GAS7: variants seen among roughly 807,000 people sequenced by gnomAD.
The protein encoded by GAS7 is growth arrest specific 7.
In GAS7, 28 loss-of-function variants were observed where a neutral mutation model predicts 71.1. The observed-to-expected ratio is 0.39, with a 90% confidence interval of 0.29 to 0.54. GAS7 has a LOEUF of 0.54. Among genes scored for constraint, GAS7 ranks in the 20% least tolerant of loss-of-function variants. The pLI is 0.62. For synonymous variants in GAS7, 258 were observed against 245.8 expected (o/e 1.05, Z -0.46); for missense variants, 436 against 627.8 (o/e 0.69, Z 3.27).
intron 1 of GAS7, among the ~76,000 whole-genome samples, chr17:10,050,798 T>C (rs2073052315): frequency 6.6e-6 from 1 of 152,100 alleles, no homozygotes; most frequent in Non-Finnish European, 1.5e-5. Flanking sequence ...TCTGCCTAAT[T>C]TTTTTTCCCC....
chr17:10,000,795 G>C (rs2071240221), intron 2 of GAS7, among the ~76,000 whole-genome samples: 1 of 152,178 alleles, frequency 6.6e-6, no homozygotes, highest in African/African-American at 2.4e-5. Flanking sequence ...GCTTCCCAAG[G>C]CTTTGCGTCT....
intron 7 of GAS7, among the ~76,000 whole-genome samples, chr17:9,942,549 T>C (rs1256140953): frequency 6.6e-6 from 1 of 152,210 alleles, no homozygotes; most frequent in African/African-American, 2.4e-5. Flanking sequence ...AACACTGTTA[T>C]AATCCTTGAG....
intron 2 of GAS7, among the ~76,000 whole-genome samples, chr17:9,987,730 AAAT>A (rs747125177): frequency 2.3e-4 from 35 of 152,268 alleles, no homozygotes; most frequent in Non-Finnish European, 4.4e-4. Context: ...CCCTTCTTCA[AAAT>A]AATAATAATA....
intron 2 of GAS7, among the ~76,000 whole-genome samples, chr17:10,014,616 C>T (rs1174849226): frequency 1.3e-5 from 2 of 152,170 alleles, no homozygotes; most frequent in Non-Finnish European, 2.9e-5. Flanking sequence ...GTCAAGGCCG[C>T]CCCCTCCCCC....
intron 1 of GAS7, among the ~76,000 whole-genome samples, chr17:10,196,390 G>A (rs941231783): frequency 3.9e-5 from 6 of 152,204 alleles, no homozygotes; most frequent in African/African-American, 1.4e-4. Flanking sequence ...ACTGTGCCAA[G>A]CAGGTGCTCA....
At chr17:10,016,599 T>G (rs1348441523) in intron 2 of GAS7, among the ~76,000 whole-genome samples, 1 of 51,740 alleles carries the variant, frequency 1.9e-5, no homozygotes, top group Non-Finnish European at 3.2e-5. Context: ...ACCCTGTCTC[T>G]ACCAAAAAAA....
chr17:10,040,514 T>C (rs2152227633), intron 1 of GAS7, among the ~76,000 whole-genome samples: 1 of 151,814 alleles, frequency 6.6e-6, no homozygotes, highest in Non-Finnish European at 1.5e-5. Context: ...GATACCAGGG[T>C]ATAAAAAGGT....
intron 1 of GAS7, among the ~76,000 whole-genome samples, chr17:10,046,825 G>GA (rs1251984259): frequency 1.3e-4 from 14 of 109,408 alleles, no homozygotes; most frequent in African/African-American, 6.6e-4. Flanking sequence ...AGGAAGGAAG[G>GA]AAGGAAGGAA....
intron 1 of GAS7, among the ~76,000 whole-genome samples, chr17:10,173,742 T>TG (rs2074352270): frequency 6.6e-6 from 1 of 150,390 alleles, no homozygotes; most frequent in South Asian, 2.1e-4. Flanking sequence ...CACTGCAGCC[T>TG]GGGGGACAGA....
chr17:9,912,840 G>A lies in GAS7; in HGVS notation c.*4388C>T, dbSNP rs1002598378. On this transcript the variant is annotated 3_prime_UTR_variant, in exon 14 of 14. Coordinates refer to ENST00000432992, the MANE Select transcript of GAS7 (RefSeq NM_201433.2). ...AAAGGCTCAGTGTAAAAATAAAGAA[G>A]CAGAGTAGTACGCCCATGCAATGAA... is the stretch of plus-strand genomic sequence containing the variant. 2 of 232,574 alleles carry A rather than the reference G, an allele frequency of 8.6e-6. No homozygotes were observed. Among genetic ancestry groups the A allele is most frequent in the Non-Finnish European group, 1.7e-5 (2 of 117,716 alleles). The allele number at this position is 232,574 out of a possible 1,614,324, so 14.4% of individuals were successfully genotyped here.
chr17:9,999,077 T>C (rs1239999783), intron 2 of GAS7, among the ~76,000 whole-genome samples: 1 of 152,240 alleles, frequency 6.6e-6, no homozygotes, highest in Non-Finnish European at 1.5e-5. Context: ...GCTTCGAAAC[T>C]TCTCCCATAA....
intron 2 of GAS7, among the ~76,000 whole-genome samples, chr17:10,005,435 C>T (rs149764545): frequency 6.6e-5 from 10 of 151,884 alleles, no homozygotes; most frequent in East Asian, 3.9e-4. Flanking sequence ...CTCTTTTCAT[C>T]GGGCCCAAAC....
chr17:9,943,273 G>A (rs747979203), intron 6 of GAS7, 37 bp from the exon 7 acceptor site: 24 of 1,198,114 alleles, frequency 2.0e-5, no homozygotes, highest in Admixed American at 1.5e-4. Flanking sequence ...TTTAGGGCAC[G>A]TCTGAGTCTG....
chr17:10,072,223 A>C (rs1211889871), intron 1 of GAS7, among the ~76,000 whole-genome samples: 2 of 152,138 alleles, frequency 1.3e-5, no homozygotes, highest in African/African-American at 2.4e-5. Context: ...TACCTGCCTC[A>C]CTCAGCGCTA....
At chr17:9,934,591 C>T (rs1244316951) in intron 8 of GAS7, among the ~76,000 whole-genome samples, 1 of 152,186 alleles carries the variant, frequency 6.6e-6, no homozygotes, top group East Asian at 1.9e-4. Context: ...GCCTCAGCTG[C>T]AGTGAGGGCC....
chr17:10,001,399 C>G (rs1157750108), intron 2 of GAS7, among the ~76,000 whole-genome samples: 1 of 152,162 alleles, frequency 6.6e-6, no homozygotes, highest in Admixed American at 6.6e-5. Context: ...CCTCCCTAAT[C>G]CCATGCCTTG....
At chr17:9,970,618 G>A (rs770498338) in intron 3 of GAS7, among the ~76,000 whole-genome samples, 1 of 151,820 alleles carries the variant, frequency 6.6e-6, no homozygotes, top group African/African-American at 2.4e-5. Flanking sequence ...GGCAACAAGA[G>A]CAAAACTCCA....
chr17:10,009,353 C>G (rs2071669546), intron 2 of GAS7, among the ~76,000 whole-genome samples: 1 of 142,728 alleles, frequency 7.0e-6, no homozygotes, highest in African/African-American at 2.6e-5. Flanking sequence ...TACTGGAAAA[C>G]TTATCCAGAA....
At position 9,981,814 on chromosome 17, in the gene GAS7, C is replaced by A; in HGVS notation, c.375G>T (p.Leu125=). 1.3e-6 allele frequency: 2 copies of A among 1,585,448 alleles called. No homozygotes were observed. The highest frequency in any genetic ancestry group is 1.7e-6 in the Non-Finnish European group (2 of 1,153,932). ...GACAGCGGACATTACCTGTTGGAGG[C>A]AGAGAGCTCCTGTGAGAGCCAGGGC... ...PASPGSHRSS[L]PPTVNGYHAS... Residue 125 remains leucine (L), a synonymous_variant, in exon 3 of 14, where the codon CTG becomes CTT. Transcript: ENST00000432992. The surrounding 1 kb of genome is among the most constrained non-coding windows in gnomAD (Gnocchi z 4.4).
Sources: gnomAD v4.1 joint callset for allele counts (sites outside exome capture counted in the v4.1 genomes callset) on GRCh38, gnomAD v4.1.1 for gene constraint, Gnocchi (gnomAD v3.1) non-coding constraint, MANE v1.5 for transcripts, NCBI Gene and HGNC (gene_info 2026-07-23, HGNC 2026-07-21) for gene names.